The following CNTNAP2 variants were observed in gnomAD, a reference collection of about 807,000 sequenced individuals.
The protein encoded by CNTNAP2 is contactin-associated protein-like 2.
CNTNAP2 carries 98 observed loss-of-function variants against 155.2 expected under a neutral mutation model. The ratio of observed to expected loss-of-function variants is 0.63; its 90% confidence interval spans 0.54 to 0.75. The LOEUF (loss-of-function observed/expected upper bound fraction) is 0.75. Among genes scored for constraint, CNTNAP2 ranks in the 30% least tolerant of loss-of-function variants. The pLI, the probability that CNTNAP2 is intolerant of heterozygous loss-of-function variation, is 0.00. For synonymous variants in CNTNAP2, 651 were observed against 631.2 expected (o/e 1.03, Z -0.47); for missense variants, 1,727 against 1,688.1 (o/e 1.02, Z -0.40).
At chr7:147,175,609 T>G (rs1194142986) in intron 8 of CNTNAP2, among the ~76,000 whole-genome samples, 1 of 152,150 alleles carries the variant, frequency 6.6e-6, no homozygotes, top group Non-Finnish European at 1.5e-5. Context: ...AAGAAATAAC[T>G]TCACACATCT....
At chr7:147,475,653 A>G (rs891311818) in intron 10 of CNTNAP2, among the ~76,000 whole-genome samples, 2 of 152,178 alleles carry the variant, frequency 1.3e-5, no homozygotes, top group Non-Finnish European at 2.9e-5. Context: ...AAAAATATGT[A>G]GTCAAATTTA....
chr7:146,235,213 C>T (rs535241169), intron 1 of CNTNAP2, among the ~76,000 whole-genome samples: 1 of 151,346 alleles, frequency 6.6e-6, no homozygotes, highest in Non-Finnish European at 1.5e-5. Context: ...ACTTATTTTT[C>T]CTTTCTACAT....
chr7:147,044,029 A>C lies in CNTNAP2; in HGVS notation c.525A>C (p.Arg175Ser). Reference sequence around the variant, plus strand: ...ATGGAGAAGGTCGCATTGGACTCAGAATTGAAGTTTATGGCTGTTCTTACT... The same window carrying C: ...ATGGAGAAGGTCGCATTGGACTCAGCATTGAAGTTTATGGCTGTTCTTACT... ...DWNGEGRIGL[R>S]IEVYGCSYWA... The change falls in exon 4 of 24, where the codon AGA (arginine) becomes AGC (serine). Residue 175 changes from arginine (R) to serine (S), a missense_variant. Transcript: ENST00000361727. 1 of 1,614,168 alleles carries C rather than the reference A, an allele frequency of 6.2e-7. No individual in the cohort carries two copies. Among genetic ancestry groups the C allele is most frequent in the Non-Finnish European group, 8.5e-7 (1 of 1,180,010 alleles).
rs535788152 is a variant in CNTNAP2, at chr7:146,227,738, G to C, written c.97+110765G>C. 7.9e-5 allele frequency among the ~76,000 whole-genome samples: 12 copies of C among 152,246 alleles called. No individual in the cohort carries two copies. In the South Asian group the frequency reaches 2.5e-3, roughly 32 times the overall value. ...TTTGATTGGTGGTTCAGGGATAATA[G>C]AGAGAGGGAGAAGGCAGGCATCCAT... On this transcript the variant is annotated intron_variant, in intron 1 of 23. Coordinates refer to ENST00000361727, the MANE Select transcript of CNTNAP2 (RefSeq NM_014141.6).
At chr7:147,378,151 AT>A (rs1796471517) in intron 9 of CNTNAP2, 2 of 296,660 alleles carry the variant, frequency 6.7e-6, no homozygotes, top group Non-Finnish European at 6.8e-6. Flanking sequence ...TAGAATTTAT[AT>A]TTAATGTTTC....
At chr7:147,628,261 C>A (rs1795022448) in intron 12 of CNTNAP2, among the ~76,000 whole-genome samples, 1 of 152,094 alleles carries the variant, frequency 6.6e-6, no homozygotes, top group Non-Finnish European at 1.5e-5. Flanking sequence ...AAAGGAAAAC[C>A]TATCAGATTA....
chr7:148,131,741 C>A (rs1288206416), intron 16 of CNTNAP2, among the ~76,000 whole-genome samples: 1 of 151,924 alleles, frequency 6.6e-6, no homozygotes, highest in Non-Finnish European at 1.5e-5. Context: ...TTTATAAAAA[C>A]AAGTGCTTCA....
chr7:146,930,531 T>A lies in CNTNAP2; in HGVS notation c.402+90627T>A, dbSNP rs1252173180. ...GATGCTAGGAAGAAACTGCATCAAC[T>A]AACGAACAAAATAACCAGCTAACAT... On this transcript the variant is annotated intron_variant, in intron 3 of 23. Transcript: ENST00000361727. Among the ~76,000 whole-genome samples the A allele has an allele frequency of 7.2e-5, 11 of 152,250 alleles. 1 individual carries two copies. The highest frequency in any genetic ancestry group is 7.2e-4 in the Admixed American group (11 of 15,292).
At chr7:147,542,136 T>A (rs1468785331) in intron 11 of CNTNAP2, among the ~76,000 whole-genome samples, 1 of 152,164 alleles carries the variant, frequency 6.6e-6, no homozygotes, top group Non-Finnish European at 1.5e-5. Flanking sequence ...CCGGACACAG[T>A]GGCTACAGTC....
chr7:147,033,748 A>C (rs559629701), intron 3 of CNTNAP2, among the ~76,000 whole-genome samples: 1 of 151,838 alleles, frequency 6.6e-6, no homozygotes, highest in African/African-American at 2.4e-5. Flanking sequence ...TGAATCAGTT[A>C]GGGAGTTAAT....
chr7:148,165,288 G>A (rs78634523), intron 17 of CNTNAP2, among the ~76,000 whole-genome samples: 5,214 of 152,120 alleles, frequency 0.034, 303 homozygotes, highest in African/African-American at 0.12. Context: ...AAGAACACCA[G>A]TTCTATTGGA....
chr7:147,697,737 T>C (rs368456512), intron 13 of CNTNAP2, among the ~76,000 whole-genome samples: 8 of 152,140 alleles, frequency 5.3e-5, no homozygotes, highest in African/African-American at 1.9e-4. Flanking sequence ...GAGGCTCTGA[T>C]ACAACCTCAG....
intron 1 of CNTNAP2, among the ~76,000 whole-genome samples, chr7:146,677,086 T>C (rs1800413266): frequency 6.6e-6 from 1 of 152,120 alleles, no homozygotes; most frequent in African/African-American, 2.4e-5. Context: ...GTTTTATACA[T>C]TTAGGGAGAC....
At chr7:146,937,955 C>G (rs1796958517) in intron 3 of CNTNAP2, among the ~76,000 whole-genome samples, 1 of 152,110 alleles carries the variant, frequency 6.6e-6, no homozygotes, top group Non-Finnish European at 1.5e-5. Context: ...TGCATATTTA[C>G]AATGATCTGA....
chr7:148,216,221 T>C (rs902263413), intron 18 of CNTNAP2, among the ~76,000 whole-genome samples: 7 of 152,196 alleles, frequency 4.6e-5, no homozygotes, highest in African/African-American at 1.4e-4. Flanking sequence ...TAAGCACTGC[T>C]CAGGCTCTAG....
At position 147,954,854 on chromosome 7, in the gene CNTNAP2, G is replaced by T. The variant is rs1800992500; in HGVS notation, c.2256-23008G>T. 4.6e-5 allele frequency among the ~76,000 whole-genome samples: 7 copies of T among 152,288 alleles called. No homozygotes were observed. In the South Asian group the frequency reaches 1.4e-3, roughly 32 times the overall value. On this transcript the variant is annotated intron_variant, in intron 14 of 23. Transcript: ENST00000361727. ...ATTCATGGGAATTTATAGTATAAAA[G>T]TGTACAATAGTATAAAAAGGCTGAA...
rs1794934626 is a variant in CNTNAP2, at chr7:146,352,750, G to GTTTTGTTTTTTTTTT, written c.97+235781_97+235782insGTTTTTTTTTTTTTT. Among the ~76,000 whole-genome samples the GTTTTGTTTTTTTTTT allele has an allele frequency of 1.7e-4, 11 of 64,338 alleles. 1 individual carries two copies. The highest frequency in any genetic ancestry group is 2.9e-4 in the Non-Finnish European group (10 of 34,840). The allele number at this position is 64,338 out of a possible 152,430, so 42.2% of individuals were successfully genotyped here. A position where few individuals can be genotyped will look rare whatever the true frequency, so the allele number is the denominator to read the frequency against. Reference sequence around the variant, plus strand: ...TTATAATTTCAATTAGCATAATTCTGTTTTTTTTTTTTTTTTTTTTTCGAG... The same window carrying GTTTTGTTTTTTTTTT: ...TTATAATTTCAATTAGCATAATTCTGTTTTGTTTTTTTTTTTTTTTTTTTTTTTTTTTTTTTCGAG... On this transcript the variant is annotated intron_variant, in intron 1 of 23. Transcript: ENST00000361727.
At chr7:146,795,268 A>G (rs919984839) in intron 2 of CNTNAP2, among the ~76,000 whole-genome samples, 3 of 152,204 alleles carry the variant, frequency 2.0e-5, no homozygotes, top group Non-Finnish European at 2.9e-5. Flanking sequence ...TCAGTTCTGT[A>G]TATCGACATT....
chr7:146,407,339 A>G (rs138177207), intron 1 of CNTNAP2, among the ~76,000 whole-genome samples: 1 of 152,326 alleles, frequency 6.6e-6, no homozygotes, highest in African/African-American at 2.4e-5. Context: ...TCATCATTAC[A>G]TAATTTGGTA....
Sources: allele counts gnomAD v4.1 joint callset (sites outside exome capture counted in the v4.1 genomes callset), GRCh38; gene constraint gnomAD v4.1.1; transcripts MANE v1.5; gene names NCBI Gene and HGNC (gene_info 2026-07-23, HGNC 2026-07-21).